The following KRT13 variants were observed in gnomAD, a reference collection of about 807,000 sequenced individuals.
KRT13 encodes keratin, type I cytoskeletal 13.
A neutral mutation model predicts 40.6 loss-of-function variants in KRT13; 27 were observed. The observed-to-expected ratio is 0.67, with a 90% CI of 0.49 to 0.92. The LOEUF is 0.92. Among genes scored for constraint, KRT13 ranks in the 40% least tolerant of loss-of-function variants. The probability of loss-of-function intolerance (pLI) is 0.00; values close to 1 mark genes in which losing one functional copy is unlikely to be tolerated. For synonymous variants in KRT13, 266 were observed against 240.3 expected, an observed-to-expected ratio of 1.11 and a Z score of -0.99; for missense variants, 605 against 611.5, an observed-to-expected ratio of 0.99 and a Z score of 0.11.
In KRT13 at chr17:41,502,358, G is replaced by A. The variant is rs751003803; in HGVS notation, c.1244+16C>T. 6.2e-7 allele frequency: 1 copy of A among 1,613,960 alleles called. No individual in the cohort carries two copies. Among genetic ancestry groups the A allele is most frequent in the Non-Finnish European group, 8.5e-7 (1 of 1,180,034 alleles). ...CTGCAGTCACTATCCTAAGAAAGAG[G>A]CTGGAGAGGACCTACTTGGCGTCCT... On this transcript the variant is annotated intron_variant, in intron 6 of 7. Coordinates refer to ENST00000246635, the MANE Select transcript of KRT13 (RefSeq NM_153490.3).
intron 7 of KRT13, 33 bp downstream of exon 7, chr17:41,501,686 G>A (rs945778016): frequency 1.7e-5 from 27 of 1,565,886 alleles, no homozygotes; most frequent in Non-Finnish European, 2.3e-5. Context: ...GGCTAACTCT[G>A]CCTCCCCCTA....
chr17:41,501,676 G>A (rs1333382151), intron 7 of KRT13, 43 bp downstream of exon 7: 9 of 1,559,812 alleles, frequency 5.8e-6, no homozygotes, highest in Non-Finnish European at 7.8e-6. Flanking sequence ...GTGAATGGGA[G>A]GCTAACTCTG....
Position 41,502,246 on chromosome 17 carries a change from C to A in KRT13, c.1244+128G>T, listed in dbSNP as rs1258668459. Reference sequence around the variant, plus strand: ...ACCCTGCAGCCTACCAAGGAAATGTCCCCGTAAAGTCAGACAGTGAGGGGT... The same window carrying A: ...ACCCTGCAGCCTACCAAGGAAATGTACCCGTAAAGTCAGACAGTGAGGGGT... On this transcript the variant is annotated intron_variant, in intron 6 of 7. Transcript: ENST00000246635. 7 of 1,598,794 alleles carry A rather than the reference C, an allele frequency of 4.4e-6. No individual in the cohort carries two copies. In the South Asian group the frequency reaches 6.7e-5, roughly 15 times the overall value.
chr17:41,501,708 T>C lies in KRT13; in HGVS notation c.1270+11A>G. The C allele has an allele frequency of 6.3e-7, 1 of 1,581,918 alleles. No homozygotes were observed. Among genetic ancestry groups the C allele is most frequent in the Non-Finnish European group, 8.6e-7 (1 of 1,163,074 alleles). ...TCTGCCTCCCCCTACACCACGGGGC[T>C]GTTCCCTTACCTGCTGAGGAAGGGA... On this transcript the variant is annotated intron_variant, in intron 7 of 7. Transcript: ENST00000246635.
At chr17:41,502,094 T>C (rs1017103346) in intron 6 of KRT13, 52 of 1,416,116 alleles carry the variant, frequency 3.7e-5, no homozygotes, top group Non-Finnish European at 4.4e-5. Context: ...TAAAGCACCA[T>C]AGTAATAGCT....
intron 1 of KRT13, 69 bp from the exon 2 acceptor site, chr17:41,503,794 T>G: frequency 2.5e-6 from 3 of 1,185,854 alleles, no homozygotes; most frequent in Non-Finnish European, 3.8e-6. Flanking sequence ...CTGGGCCACA[T>G]TGGAAGAAGA....
chr17:41,505,034 T>A (rs766482425), intron 1 of KRT13, 22 bp downstream of exon 1: 3 of 1,613,864 alleles, frequency 1.9e-6, no homozygotes, highest in Non-Finnish European at 1.7e-6. Context: ...GGAGGACCCC[T>A]CCTCAGCTTC....
At position 41,505,554 on chromosome 17, in the gene KRT13, G is replaced by A; in HGVS notation, c.-4C>T. The A allele has an allele frequency of 6.2e-7, 1 of 1,614,218 alleles. No individual in the cohort carries two copies. Among genetic ancestry groups the A allele is most frequent in the Non-Finnish European group, 8.5e-7 (1 of 1,180,040 alleles). On this transcript the variant is annotated 5_prime_UTR_variant, in exon 1 of 8. Transcript: ENST00000246635. The stretch of plus-strand genomic sequence containing the variant: ...AGCTCTGCAGGCGGAGGCTCATGGT[G>A]AGAGCAGGATTGAGAGCAGGTGCAG...
intron 7 of KRT13, 105 bp from the exon 8 acceptor site, chr17:41,501,467 C>T (rs1434743433): frequency 4.6e-5 from 50 of 1,094,552 alleles, no homozygotes; most frequent in South Asian, 2.8e-4. Context: ...TCAGGTGGTG[C>T]GTGGATGGAG....
chr17:41,502,150 A>G, intron 6 of KRT13: 1 of 1,445,712 alleles, frequency 6.9e-7, no homozygotes, highest in Non-Finnish European at 9.1e-7. Context: ...CCAATATCAG[A>G]TGTTCCCTCC....
Position 41,505,243 on chromosome 17 carries a change from T to C in KRT13, c.308A>G (p.Asn103Ser). Residue 103 changes from asparagine (N) to serine (S), a missense_variant, in exon 1 of 8, where the codon AAT becomes AGT. Transcript: ENST00000246635. ...GACDGGLLTG[N>S]EKITMQNLND... ...GAGGTTCTGCATGGTGATCTTCTCA[T>C]TGCCAGTGAGGAGGCCGCCATCACA... 6.2e-7 allele frequency: 1 copy of C among 1,614,078 alleles called. No homozygotes were observed.
In KRT13 at chr17:41,505,564, T is replaced by A; in HGVS notation, c.-14A>T. 1 of 1,614,078 alleles carries A rather than the reference T, an allele frequency of 6.2e-7. No homozygotes were observed. Among genetic ancestry groups the A allele is most frequent in the African/African-American group, 1.3e-5 (1 of 75,034 alleles). Reference sequence around the variant, plus strand: ...GCGGAGGCTCATGGTGAGAGCAGGATTGAGAGCAGGTGCAGATAGAAGCTT... The same window carrying A: ...GCGGAGGCTCATGGTGAGAGCAGGAATGAGAGCAGGTGCAGATAGAAGCTT... On this transcript the variant is annotated 5_prime_UTR_variant, in exon 1 of 8. Coordinates refer to ENST00000246635, the MANE Select transcript of KRT13 (RefSeq NM_153490.3).
At chr17:41,502,033 G>A in intron 6 of KRT13, 4 of 1,416,084 alleles carry the variant, frequency 2.8e-6, no homozygotes, top group Non-Finnish European at 3.7e-6. Flanking sequence ...CTCCACCTGA[G>A]CCCTGAGCCC....
chr17:41,501,591 C>T (rs1403988791), intron 7 of KRT13, 128 bp downstream of exon 7: 4 of 1,480,854 alleles, frequency 2.7e-6, no homozygotes, highest in Non-Finnish European at 2.8e-6. Flanking sequence ...TCCACCCCAG[C>T]TCTCCCCCTC....
rs746055814 is a variant in KRT13, at chr17:41,503,362, C to T, written c.660G>A (p.Leu220=). The stretch of plus-strand genomic sequence containing the variant: ...TCTGCATCTCCAGGTCAGTCTTAGA[C>T]AGAGTGAGCTCATCCAGCACCCGGC... ...GLRRVLDELT[L]SKTDLEMQIE... Residue 220 remains leucine, a synonymous_variant, in exon 3 of 8, where the codon CTG becomes CTA. Coordinates refer to ENST00000246635, the MANE Select transcript of KRT13 (RefSeq NM_153490.3). 1 of 1,614,254 alleles carries T rather than the reference C, an allele frequency of 6.2e-7. No individual in the cohort carries two copies.
rs778305209 is a variant in KRT13 at position 41,502,748 on chromosome 17, ATC to A, written c.960_961del (p.Glu320AspfsTer14). On this transcript the variant is annotated frameshift_variant, in exon 5 of 8. Coordinates refer to ENST00000246635, the MANE Select transcript of KRT13 (RefSeq NM_153490.3). LOFTEE classifies it high-confidence loss of function. ...TTGGAGCGTGCGCCTGAGCTCCGTG[ATC>A]TCTGTCTTGCTGGTCTGAATCATGG... 3 of 1,614,180 alleles carry A rather than the reference ATC, an allele frequency of 1.9e-6. No individual in the cohort carries two copies. In the South Asian group the frequency reaches 3.3e-5, roughly 18 times the overall value.
intron 2 of KRT13, 72 bp from the exon 3 acceptor site, chr17:41,503,515 C>T: frequency 6.4e-7 from 1 of 1,573,398 alleles, no homozygotes. Flanking sequence ...TCTCCCTACC[C>T]CTGCACGAGA....
chr17:41,501,004 C>T lies in KRT13; in HGVS notation c.*252G>A, dbSNP rs1904826382. ...AATATGTTTGCAGAAAGGCAGGAAA[C>T]TTTATTGAATAATCTTTTCTTTGGG... On this transcript the variant is annotated 3_prime_UTR_variant, in exon 8 of 8. Transcript: ENST00000246635. 5.1e-6 allele frequency: 2 copies of T among 389,380 alleles called. No homozygotes were observed. The highest frequency in any genetic ancestry group is 4.4e-5 in the South Asian group (2 of 45,082). 24.1% of individuals were successfully genotyped at this position (389,380 alleles called of 1,614,324 possible).
In KRT13 at chr17:41,502,322, A is replaced by G. The variant is rs1389968656; in HGVS notation, c.1244+52T>C. The G allele has an allele frequency of 1.9e-6, 3 of 1,612,996 alleles. No homozygotes were observed. The African/African-American group carries it at 4.0e-5, about 22-fold the overall frequency. On this transcript the variant is annotated intron_variant, in intron 6 of 7. Coordinates refer to ENST00000246635, the MANE Select transcript of KRT13 (RefSeq NM_153490.3). ...TCTCTAAGGCCCTGCCTGCTCTGAC[A>G]CCCACGGGTCCTGCAGTCACTATCC...
Sources: gnomAD v4.1 joint callset for allele counts on GRCh38, gnomAD v4.1.1 for gene constraint, MANE v1.5 for transcripts, NCBI Gene and HGNC (gene_info 2026-07-23, HGNC 2026-07-21) for gene names.